Variants in DLGAP2 observed in about 807,000 individuals in gnomAD.
DLGAP2 encodes the protein disks large-associated protein 2.
In DLGAP2, 26 loss-of-function variants were observed where a neutral mutation model predicts 100.3. That is an observed-to-expected ratio of 0.26 (90% CI 0.19 to 0.36). The LOEUF (loss-of-function observed/expected upper bound fraction) is 0.36. Ranked by LOEUF, DLGAP2 falls within the 10% of genes least tolerant of loss-of-function variation. DLGAP2 has a pLI of 1.00. For missense variants in DLGAP2, 1,858 were observed against 1,453.2 expected (o/e 1.28, Z -4.53); for synonymous variants, 886 against 630.1 (o/e 1.41, Z -6.08).
rs992321970 is a variant in DLGAP2 at position 1,707,057 on chromosome 8, G to A, written c.*5651G>A. The A allele has an allele frequency of 6.6e-6, 1 of 152,540 alleles. No homozygotes were observed. The highest frequency in any genetic ancestry group is 6.5e-5 in the Admixed American group (1 of 15,274). The allele number at this position is 152,540 out of a possible 1,614,324, so 9.4% of individuals were successfully genotyped here. A position where few individuals can be genotyped will look rare whatever the true frequency, so the allele number is the denominator to read the frequency against. ...CAGATGACTTCTTTGCAGAAGAAAT[G>A]TTCGTTACCTACTATCAAACTACTT... On this transcript the variant is annotated 3_prime_UTR_variant, in exon 15 of 15. Coordinates refer to ENST00000637795, the MANE Select transcript of DLGAP2 (RefSeq NM_001346810.2).
intron 3 of DLGAP2, among the ~76,000 whole-genome samples, chr8:1,460,760 G>A (rs1185163427): frequency 6.6e-6 from 1 of 152,198 alleles, no homozygotes; most frequent in African/African-American, 2.4e-5. Flanking sequence ...TTGGAATCAA[G>A]AGTAAAGAAT....
At chr8:1,514,821 G>A (rs979666857) in intron 4 of DLGAP2, among the ~76,000 whole-genome samples, 9 of 152,304 alleles carry the variant, frequency 5.9e-5, no homozygotes, top group Non-Finnish European at 7.4e-5. Flanking sequence ...GCCTGAGTCC[G>A]GAGGGTGGCG....
At position 1,092,784 on chromosome 8, in the gene DLGAP2, G is replaced by A. The variant is rs547235061; in HGVS notation, c.74-166067G>A. 5.9e-5 allele frequency among the ~76,000 whole-genome samples: 9 copies of A among 152,246 alleles called. No individual in the cohort carries two copies. The South Asian group carries it at 6.2e-4, about 11-fold the overall frequency. ...CTCCCAGCAACACAGATGGTGTGGG[G>A]GACCCTCCCATGGAGGGCAGAATCC... On this transcript the variant is annotated intron_variant, in intron 2 of 14. Transcript: ENST00000637795.
At chr8:957,815 T>C in intron 2 of DLGAP2, among the ~76,000 whole-genome samples, 1 of 152,212 alleles carries the variant, frequency 6.6e-6, no homozygotes, top group East Asian at 1.9e-4. Context: ...CTAATTGGTA[T>C]AGTTTCTCAT....
At chr8:973,735 T>G (rs1390089773) in intron 2 of DLGAP2, among the ~76,000 whole-genome samples, 1 of 152,162 alleles carries the variant, frequency 6.6e-6, no homozygotes, top group Non-Finnish European at 1.5e-5. Flanking sequence ...CGGATAGTGT[T>G]GGAGATCATG....
chr8:880,385 C>T (rs1022780083), intron 1 of DLGAP2, among the ~76,000 whole-genome samples: 1 of 152,216 alleles, frequency 6.6e-6, no homozygotes, highest in African/African-American at 2.4e-5. Context: ...AAAGTGTCCA[C>T]ACTCACACAC....
intron 6 of DLGAP2, among the ~76,000 whole-genome samples, chr8:1,584,169 A>T (rs554194248): frequency 5.3e-5 from 8 of 152,316 alleles, no homozygotes; most frequent in Admixed American, 6.5e-5. Flanking sequence ...GGATGAATGG[A>T]TAAAACCATC....
intron 6 of DLGAP2, among the ~76,000 whole-genome samples, chr8:1,595,886 T>C (rs1261270355): frequency 1.5e-5 from 2 of 136,706 alleles, no homozygotes; most frequent in African/African-American, 5.0e-5. Flanking sequence ...TTTATTATTA[T>C]TATACTTTAA....
chr8:1,525,998 A>G (rs1034745647), intron 4 of DLGAP2, among the ~76,000 whole-genome samples: 3 of 152,100 alleles, frequency 2.0e-5, no homozygotes, highest in Admixed American at 6.5e-5. Flanking sequence ...TTTGCATTAC[A>G]TACTTGCCAA....
At chr8:1,649,717 A>T (rs1171553780) in intron 8 of DLGAP2, among the ~76,000 whole-genome samples, 1 of 152,206 alleles carries the variant, frequency 6.6e-6, no homozygotes, top group African/African-American at 2.4e-5. Context: ...ATTATATTGG[A>T]TTTATTTCAT....
At chr8:1,337,399 G>GGTGAGAA (rs1801305922) in intron 3 of DLGAP2, among the ~76,000 whole-genome samples, 1 of 1,554 alleles carries the variant, frequency 6.4e-4, no homozygotes, top group Non-Finnish European at 1.0e-3. Context: ...GAGGATGATG[G>GGTGAGAA]TGATGATGGT....
chr8:1,146,628 C>T (rs1796612817), intron 2 of DLGAP2, among the ~76,000 whole-genome samples: 1 of 151,774 alleles, frequency 6.6e-6, no homozygotes, highest in Admixed American at 6.6e-5. Context: ...TGTGTGCATG[C>T]ATGTGTGTGC....
intron 1 of DLGAP2, among the ~76,000 whole-genome samples, chr8:743,870 C>T (rs1300834844): frequency 6.6e-6 from 1 of 152,246 alleles, no homozygotes; most frequent in East Asian, 1.9e-4. Flanking sequence ...ATGCCTTTTG[C>T]TGGTATTTGC....
At chr8:1,283,720 C>G (rs901580756) in intron 3 of DLGAP2, among the ~76,000 whole-genome samples, 1 of 152,184 alleles carries the variant, frequency 6.6e-6, no homozygotes, top group African/African-American at 2.4e-5. Flanking sequence ...GGTCTTGTCA[C>G]TCTAATTCTG....
intron 4 of DLGAP2, among the ~76,000 whole-genome samples, chr8:1,504,145 C>G (rs1432084451): frequency 6.6e-6 from 1 of 151,256 alleles, no homozygotes; most frequent in African/African-American, 2.5e-5. Context: ...CAGGCCCCAC[C>G]TGATGTATTT....
intron 2 of DLGAP2, among the ~76,000 whole-genome samples, chr8:1,149,133 T>C (rs1262338874): frequency 7.0e-6 from 1 of 143,476 alleles, no homozygotes; most frequent in African/African-American, 2.5e-5. Flanking sequence ...TATTTTATCA[T>C]TGTGGAATTA....
At chr8:1,178,646 C>T (rs1426534269) in intron 2 of DLGAP2, among the ~76,000 whole-genome samples, 2 of 152,118 alleles carry the variant, frequency 1.3e-5, no homozygotes, top group African/African-American at 4.8e-5. Context: ...ATAAATGCAG[C>T]TCAGCTCTCA....
At chr8:1,251,034 A>T (rs754278050) in intron 2 of DLGAP2, among the ~76,000 whole-genome samples, 1 of 152,222 alleles carries the variant, frequency 6.6e-6, no homozygotes, top group East Asian at 1.9e-4. Context: ...TTTTCTGTGT[A>T]CATCAACTAT....
intron 1 of DLGAP2, among the ~76,000 whole-genome samples, chr8:816,507 C>G (rs1432173686): frequency 6.6e-6 from 1 of 152,134 alleles, no homozygotes; most frequent in Non-Finnish European, 1.5e-5. Flanking sequence ...ATGCAAAATT[C>G]TTGGCTGGTA....
Sources: allele counts gnomAD v4.1 joint callset (sites outside exome capture counted in the v4.1 genomes callset), GRCh38; gene constraint gnomAD v4.1.1; transcripts MANE v1.5; gene names NCBI Gene and HGNC (gene_info 2026-07-23, HGNC 2026-07-21).